The following LDB2 variants were observed in gnomAD, a reference collection of about 807,000 sequenced individuals.
The protein encoded by LDB2 is LIM domain binding 2.
In LDB2, 12 loss-of-function variants were observed where a neutral mutation model predicts 44.3. That is an observed-to-expected ratio of 0.27 (90% CI 0.17 to 0.44). LDB2 has a LOEUF of 0.44. Ranked by LOEUF, LDB2 falls within the 20% of genes least tolerant of loss-of-function variation. LDB2 has a pLI of 1.00. For missense variants in LDB2, 344 were observed against 473.5 expected (o/e 0.73, Z 2.54); for synonymous variants, 164 against 174.8 (o/e 0.94, Z 0.49).
chr4:16,509,881 C>A (rs139243635), intron 6 of LDB2, among the ~76,000 whole-genome samples: 1 of 151,974 alleles, frequency 6.6e-6, no homozygotes, highest in Non-Finnish European at 1.5e-5. Context: ...TTTGGGAGGA[C>A]GAGGCAAGTG....
chr4:16,686,323 C>T (rs1749231314), intron 2 of LDB2, among the ~76,000 whole-genome samples: 1 of 152,194 alleles, frequency 6.6e-6, no homozygotes, highest in Non-Finnish European at 1.5e-5. Flanking sequence ...TTTTACTGTG[C>T]TAGTCATCAC....
At chr4:16,797,872 T>C (rs1777042846) in intron 1 of LDB2, among the ~76,000 whole-genome samples, 1 of 151,600 alleles carries the variant, frequency 6.6e-6, no homozygotes, top group African/African-American at 2.4e-5. Flanking sequence ...CTGTCTCTAC[T>C]AAAAATACAA....
At chr4:16,609,514 C>T (rs1358886590) in intron 2 of LDB2, among the ~76,000 whole-genome samples, 3 of 152,114 alleles carry the variant, frequency 2.0e-5, no homozygotes, top group Non-Finnish European at 4.4e-5. Context: ...TTTTCCCCTG[C>T]TGGAGCCAGG....
intron 2 of LDB2, among the ~76,000 whole-genome samples, chr4:16,621,466 G>C (rs1270359395): frequency 6.6e-6 from 1 of 152,192 alleles, no homozygotes; most frequent in African/African-American, 2.4e-5. Flanking sequence ...TCCACCTCAC[G>C]TGATCATAAA....
chr4:16,859,388 G>A (rs988621806), intron 1 of LDB2, among the ~76,000 whole-genome samples: 2 of 152,202 alleles, frequency 1.3e-5, no homozygotes, highest in Non-Finnish European at 2.9e-5. Context: ...CTTAATAAGA[G>A]CCATTTGACT....
intron 1 of LDB2, among the ~76,000 whole-genome samples, chr4:16,835,190 T>A (rs1350947370): frequency 1.3e-5 from 2 of 152,188 alleles, no homozygotes; most frequent in Non-Finnish European, 2.9e-5. Context: ...AGTTTACAAT[T>A]TGAGTTTTGA....
chr4:16,548,267 T>C (rs1736454828), intron 5 of LDB2, among the ~76,000 whole-genome samples: 1 of 152,188 alleles, frequency 6.6e-6, no homozygotes, highest in South Asian at 2.1e-4. Flanking sequence ...CCATGTTCCA[T>C]AGTTCACCCT....
At chr4:16,519,602 T>G (rs1027002067) in intron 5 of LDB2, among the ~76,000 whole-genome samples, 1 of 149,718 alleles carries the variant, frequency 6.7e-6, no homozygotes. Flanking sequence ...CAGATGAATC[T>G]GGTTCCAAAA....
chr4:16,560,101 A>G (rs1741467526), intron 5 of LDB2, among the ~76,000 whole-genome samples: 1 of 152,246 alleles, frequency 6.6e-6, no homozygotes, highest in Non-Finnish European at 1.5e-5. Context: ...CTAAATGCCC[A>G]CAAGAGAAAG....
rs148486308 is a variant in LDB2 at position 16,711,703 on chromosome 4, C to T, written c.235+47455G>A. Among the ~76,000 whole-genome samples the T allele has an allele frequency of 7.7e-3, 1,174 of 152,154 alleles. 14 individuals carry two copies. Among genetic ancestry groups the T allele is most frequent in the African/African-American group, 0.027 (1,133 of 41,502 alleles). On this transcript the variant is annotated intron_variant, in intron 2 of 7. Coordinates refer to ENST00000304523, the MANE Select transcript of LDB2 (RefSeq NM_001290.5). ...GATTTCAAAAATTACTACAAAGCAA[C>T]AGTAATAAAGACAGTATGGTTCCAA...
chr4:16,809,741 CA>C (rs5856387), intron 1 of LDB2, among the ~76,000 whole-genome samples: 3,472 of 145,462 alleles, frequency 0.024, 194 homozygotes, highest in Admixed American at 0.14. Flanking sequence ...AACAAACAAA[CA>C]AAAAAAAAAC....
At chr4:16,819,000 A>G (rs1420141545) in intron 1 of LDB2, among the ~76,000 whole-genome samples, 1 of 152,206 alleles carries the variant, frequency 6.6e-6, no homozygotes, top group Non-Finnish European at 1.5e-5. Context: ...GGCAAAGCCA[A>G]CATTTTTTAA....
chr4:16,689,688 G>T (rs1750154219), intron 2 of LDB2, among the ~76,000 whole-genome samples: 1 of 152,192 alleles, frequency 6.6e-6, no homozygotes, highest in South Asian at 2.1e-4. Context: ...CCAGTCTGAA[G>T]ATTTAAAAAT....
chr4:16,679,251 T>C (rs1048613949), intron 2 of LDB2, among the ~76,000 whole-genome samples: 2 of 151,852 alleles, frequency 1.3e-5, no homozygotes, highest in South Asian at 4.2e-4. Flanking sequence ...TTTGATGTGA[T>C]GTCAGTGTAT....
chr4:16,626,851 C>T (rs906056183), intron 2 of LDB2: 5 of 152,172 alleles, frequency 3.3e-5, no homozygotes, highest in Non-Finnish European at 7.3e-5. Context: ...GCAAGCCTCT[C>T]CTACTGCTTA....
chr4:16,873,467 G>A (rs756760147), intron 1 of LDB2, among the ~76,000 whole-genome samples: 3 of 151,662 alleles, frequency 2.0e-5, no homozygotes, highest in Non-Finnish European at 4.4e-5. Context: ...CCTTGACGGT[G>A]TTAATGGTCT....
At chr4:16,548,678 G>C (rs1331601905) in intron 5 of LDB2, among the ~76,000 whole-genome samples, 1 of 152,218 alleles carries the variant, frequency 6.6e-6, no homozygotes, top group African/African-American at 2.4e-5. Context: ...GACAGGGTAA[G>C]CCGGAAAAAG....
At chr4:16,642,604 T>G (rs544679941) in intron 2 of LDB2, among the ~76,000 whole-genome samples, 1 of 152,314 alleles carries the variant, frequency 6.6e-6, no homozygotes, top group African/African-American at 2.4e-5. Context: ...TTCCTTTCCA[T>G]GGACCCAGCT....
At chr4:16,579,982 C>T (rs78382115) in intron 5 of LDB2, among the ~76,000 whole-genome samples, 1,934 of 152,254 alleles carry the variant, frequency 0.013, 37 homozygotes, top group African/African-American at 0.044. Context: ...GCTCCTACCC[C>T]AGCTGAGAGT....
Sources: allele counts gnomAD v4.1 joint callset (sites outside exome capture counted in the v4.1 genomes callset), GRCh38; gene constraint gnomAD v4.1.1; transcripts MANE v1.5; gene names NCBI Gene and HGNC (gene_info 2026-07-23, HGNC 2026-07-21).